GLMP: variants seen among roughly 807,000 people sequenced by gnomAD.
GLMP encodes the protein kidney lysosomal membrane protein.
A neutral mutation model predicts 39.2 loss-of-function variants in GLMP; 36 were observed. The ratio of observed to expected loss-of-function variants is 0.92; its 90% CI spans 0.70 to 1.21. GLMP has a LOEUF of 1.21. Ranked by LOEUF, GLMP falls within the 50% of genes most tolerant of loss-of-function variation. GLMP has a pLI of 0.00. For synonymous variants in GLMP, 220 were observed against 218.9 expected, an observed-to-expected ratio of 1.01 and a Z score of -0.04; for missense variants, 454 against 505.6, an observed-to-expected ratio of 0.90 and a Z score of 0.98.
chr1:156,294,236 C>T lies in GLMP; in HGVS notation c.580G>A (p.Val194Ile), dbSNP rs573841896. ...TFANGSLAFR[V>I]QAFSRSSRPA... ...CGGCTGGACCTGGAAAAGGCCTGGA[C>T]CTAGGAAGGAAGAAGCATGGGAGGT... Residue 194 changes from valine to isoleucine, a missense_variant and splice_region_variant, in exon 4 of 6, where the codon GTC (valine) becomes ATC (isoleucine). Coordinates refer to ENST00000362007, the MANE Select transcript of GLMP (RefSeq NM_144580.3). 1 of 1,613,432 alleles carries T rather than the reference C, an allele frequency of 6.2e-7. No individual in the cohort carries two copies. The highest frequency in any genetic ancestry group is 1.1e-5 in the South Asian group (1 of 91,052).
Position 156,294,377 on chromosome 1 carries a change from G to A in GLMP, c.567C>T (p.Ser189=), listed in dbSNP as rs915337700. The change falls in exon 3 of 6, where the codon AGC becomes AGT. Residue 189 remains serine, a synonymous_variant. Transcript: ENST00000362007. ...NDPTRTFANG[S]LAFRVQAFSR... Reference sequence around the variant, plus strand: ...TCTCACGCCTTACCCTGAAGGCCAGGCTGCCATTGGCAAAAGTCCTGGTAG... The same window carrying A: ...TCTCACGCCTTACCCTGAAGGCCAGACTGCCATTGGCAAAAGTCCTGGTAG... 1 of 1,614,178 alleles carries A rather than the reference G, an allele frequency of 6.2e-7. No individual in the cohort carries two copies. Among genetic ancestry groups the A allele is most frequent in the Non-Finnish European group, 8.5e-7 (1 of 1,180,020 alleles).
At position 156,293,316 on chromosome 1, in the gene GLMP, T is replaced by C. The variant is rs1235408643; in HGVS notation, c.1055+4A>G. 3 of 1,613,974 alleles carry C rather than the reference T, an allele frequency of 1.9e-6. No individual in the cohort carries two copies. Among genetic ancestry groups the C allele is most frequent in the African/African-American group, 2.7e-5 (2 of 74,922 alleles). On this transcript the variant is annotated splice_donor_region_variant and intron_variant, in intron 5 of 5. Coordinates refer to ENST00000362007, the MANE Select transcript of GLMP (RefSeq NM_144580.3). ...AAGTCCCCGGCCCAAACCCTGGCTC[T>C]CACCAGCTGAGGTAGTGTTGGTCCC...
Position 156,295,282 on chromosome 1 carries a change from A to G in GLMP, c.120+244T>C, listed in dbSNP as rs1376639067. The G allele has an allele frequency of 2.2e-6, 3 of 1,338,654 alleles. No individual in the cohort carries two copies. The East Asian group carries it at 8.6e-5, about 39-fold the overall frequency. 82.9% of individuals were successfully genotyped at this position (1,338,654 alleles called of 1,614,324 possible). ...AGGGCACAGGGCTGCGAAGAAGAAA[A>G]CATTCAACACTTGCCTGGACCTGGG... On this transcript the variant is annotated intron_variant, in intron 1 of 5. Transcript: ENST00000362007.
In GLMP at chr1:156,294,229, G is replaced by A; in HGVS notation, c.587C>T (p.Ala196Val). ...ANGSLAFRVQ[A>V]FSRSSRPAQP... ...GGCTGGTCGGCTGGACCTGGAAAAG[G>A]CCTGGACCTAGGAAGGAAGAAGCAT... Residue 196 changes from alanine (A) to valine (V), a missense_variant, in exon 4 of 6, where the codon GCC becomes GTC. Coordinates refer to ENST00000362007, the MANE Select transcript of GLMP (RefSeq NM_144580.3). 6.2e-7 allele frequency: 1 copy of A among 1,613,758 alleles called. No individual in the cohort carries two copies. The highest frequency in any genetic ancestry group is 8.5e-7 in the Non-Finnish European group (1 of 1,179,680).
chr1:156,292,871 T>C lies in GLMP; in HGVS notation c.*173A>G. On this transcript the variant is annotated 3_prime_UTR_variant, in exon 6 of 6. Coordinates refer to ENST00000362007, the MANE Select transcript of GLMP (RefSeq NM_144580.3). Reference sequence around the variant, plus strand: ...GCCTCCAAAGTCCCCCAACAAAGTATGAAGGAAGCCCCACCTGGGGGTCTC... The same window carrying C: ...GCCTCCAAAGTCCCCCAACAAAGTACGAAGGAAGCCCCACCTGGGGGTCTC... 1.3e-6 allele frequency: 1 copy of C among 799,478 alleles called. No individual in the cohort carries two copies. 49.5% of individuals were successfully genotyped at this position (799,478 alleles called of 1,614,324 possible).
intron 4 of GLMP, 58 bp downstream of exon 4, chr1:156,293,959 GT>G: frequency 1.3e-6 from 2 of 1,569,726 alleles, no homozygotes; most frequent in Non-Finnish European, 1.8e-6. Flanking sequence ...TGAGTTTTAG[GT>G]CCCAATGGTG....
Position 156,293,568 on chromosome 1 carries a change from C to T in GLMP, c.807G>A (p.Gln269=). 1 of 1,614,088 alleles carries T rather than the reference C, an allele frequency of 6.2e-7. No individual in the cohort carries two copies. The highest frequency in any genetic ancestry group is 1.1e-5 in the South Asian group (1 of 91,082). The change falls in exon 5 of 6, where the codon CAG becomes CAA. Residue 269 remains glutamine (Q), a synonymous_variant. Transcript: ENST00000362007. ...CTGATGGGAGGGAGCCCCACAGTAG[C>T]TGGTCCAACTGGGAAGAAAGGCAAA... ...EYAPAVFQLD[Q]LLWGSLPSGF... is the part of the protein sequence containing the mutation.
In GLMP at chr1:156,295,507, G is replaced by A. The variant is rs1663571556; in HGVS notation, c.120+19C>T. The A allele has an allele frequency of 1.3e-6, 2 of 1,483,676 alleles. No individual in the cohort carries two copies. Among genetic ancestry groups the A allele is most frequent in the Non-Finnish European group, 1.8e-6 (2 of 1,118,722 alleles). The allele number at this position is 1,483,676 out of a possible 1,614,324, so 91.9% of individuals were successfully genotyped here. On this transcript the variant is annotated intron_variant, in intron 1 of 5. Coordinates refer to ENST00000362007, the MANE Select transcript of GLMP (RefSeq NM_144580.3). ...AGCGTTTCCTGAAACTTCTATCGCT[G>A]TAGCCCCAGGGCCCTCACCTGGCGG...
chr1:156,295,125 A>AT, intron 1 of GLMP, 109 bp from the exon 2 acceptor site: 1 of 1,064,366 alleles, frequency 9.4e-7, no homozygotes, highest in Non-Finnish European at 1.3e-6. Flanking sequence ...AAAGGATGGG[A>AT]TTTTGGGGAC....
At position 156,294,082 on chromosome 1, in the gene GLMP, G is replaced by A. The variant is rs113930894; in HGVS notation, c.734C>T (p.Pro245Leu). 23 of 1,614,148 alleles carry A rather than the reference G, an allele frequency of 1.4e-5. No individual in the cohort carries two copies. The African/African-American group carries it at 1.5e-4, about 10-fold the overall frequency. The change falls in exon 4 of 6, where the codon CCT (proline) becomes CTT (leucine). Residue 245 changes from proline to leucine, a missense_variant. Pro to Leu is a moderately conservative substitution (Grantham distance 98). Transcript: ENST00000362007. ...CTGCTCCTGCATTGAGGGGCAGTCA[G>A]GGCCCTGGCCCAATGTGGCTACCTC... ...GLEVATLGQG[P>L]DCPSMQEQHS...
At chr1:156,293,863 G>T in intron 4 of GLMP, 155 bp downstream of exon 4, 2 of 1,194,108 alleles carry the variant, frequency 1.7e-6, no homozygotes, top group East Asian at 2.4e-5. Context: ...TCTCCACTGA[G>T]GGCAGAGACT....
Position 156,294,084 on chromosome 1 carries a change from G to A in GLMP, c.732C>T (p.Gly244=), listed in dbSNP as rs762289844. ...FGLEVATLGQ[G]PDCPSMQEQH... ...GCTCCTGCATTGAGGGGCAGTCAGG[G>A]CCCTGGCCCAATGTGGCTACCTCCA... The change falls in exon 4 of 6, where the codon GGC becomes GGT. Residue 244 remains glycine, a synonymous_variant. Transcript: ENST00000362007. 6.2e-7 allele frequency: 1 copy of A among 1,613,988 alleles called. No homozygotes were observed. The highest frequency in any genetic ancestry group is 8.5e-7 in the Non-Finnish European group (1 of 1,180,048).
intron 1 of GLMP, chr1:156,295,271 C>T (rs1320546149): frequency 3.0e-6 from 4 of 1,332,486 alleles, no homozygotes; most frequent in Non-Finnish European, 2.9e-6. Context: ...CACAGGGCTG[C>T]GAAGAAGAAA....
Position 156,292,851 on chromosome 1 carries a change from C to CA in GLMP, c.*192dup. The CA allele has an allele frequency of 3.0e-6, 2 of 669,266 alleles. No individual in the cohort carries two copies. Among genetic ancestry groups the CA allele is most frequent in the Non-Finnish European group, 4.9e-6 (2 of 408,182 alleles). The allele number at this position is 669,266 out of a possible 1,614,324, so 41.5% of individuals were successfully genotyped here. ...AATAGCCCTGTCCCCTGCCCGCCTC[C>CA]AAAGTCCCCCAACAAAGTATGAAGG... On this transcript the variant is annotated 3_prime_UTR_variant, in exon 6 of 6. Transcript: ENST00000362007.
chr1:156,294,915 G>A lies in GLMP; in HGVS notation c.222C>T (p.Ser74=). The A allele has an allele frequency of 6.2e-7, 1 of 1,613,022 alleles. No homozygotes were observed. The highest frequency in any genetic ancestry group is 8.5e-7 in the Non-Finnish European group (1 of 1,179,612). The change falls in exon 2 of 6, where the codon AGC becomes AGT. Residue 74 remains serine (S), a synonymous_variant. Transcript: ENST00000362007. ...TNSTLHYVWS[S]LGPLAVVMVA... is the part of the protein sequence containing the mutation. ...CCATTACCACTGCCAGAGGCCCCAG[G>A]CTGCTCCACACATAGTGCAGTGTGG...
intron 4 of GLMP, 134 bp from the exon 5 acceptor site, chr1:156,293,710 T>C: frequency 6.4e-7 from 1 of 1,553,058 alleles, no homozygotes; most frequent in African/African-American, 1.4e-5. Flanking sequence ...CAATCCCTCC[T>C]CTGTAAAAAT....
rs1242982449 is a variant in GLMP, at chr1:156,293,449, AAGGC to A, written c.922_925del (p.Ala308Ter). On this transcript the variant is annotated frameshift_variant, in exon 5 of 6. Transcript: ENST00000362007. LOFTEE classifies it high-confidence loss of function. ...GGGTGACTGGGGAAGAGAGTATGCT[AAGGC>A]AGGATGAAGAGGGGAAGCTTGGCAG... 5.0e-6 allele frequency: 8 copies of A among 1,614,080 alleles called. No individual in the cohort carries two copies. The highest frequency in any genetic ancestry group is 1.3e-5 in the African/African-American group (1 of 74,928).
In GLMP at chr1:156,294,413, G is replaced by A. The variant is rs1461734616; in HGVS notation, c.531C>T (p.Pro177=). The change falls in exon 3 of 6, where the codon CCC becomes CCT. Residue 177 remains proline, a synonymous_variant. Transcript: ENST00000362007. Reference sequence around the variant, plus strand: ...CAAAAGTCCTGGTAGGGTCGTTCATGGGGTGGCCTTGAAATGTGGCACTCA... The same window carrying A: ...CAAAAGTCCTGGTAGGGTCGTTCATAGGGTGGCCTTGAAATGTGGCACTCA... ...ATLSATFQGH[P]MNDPTRTFAN... is the part of the protein sequence containing the mutation. 6.2e-7 allele frequency: 1 copy of A among 1,614,194 alleles called. No homozygotes were observed. Among genetic ancestry groups the A allele is most frequent in the South Asian group, 1.1e-5 (1 of 91,086 alleles).
Position 156,293,071 on chromosome 1 carries a change from C to T in GLMP, c.1194G>A (p.Lys398=), listed in dbSNP as rs750378532. 2.5e-6 allele frequency: 4 copies of T among 1,614,128 alleles called. No homozygotes were observed. In the South Asian group the frequency reaches 3.3e-5, roughly 13 times the overall value. Residue 398 remains lysine, a synonymous_variant, in exon 6 of 6, where the codon AAG becomes AAA. Transcript: ENST00000362007. ...AATTTATGGACTGGTACTCTGAGTA[C>T]TTCTTGTGGTGCAGCAGCAGAACCA... ...GGLVLLLHHK[K]YSEYQSIN
Sources: allele counts gnomAD v4.1 joint callset, GRCh38; gene constraint gnomAD v4.1.1; transcripts MANE v1.5; gene names NCBI Gene and HGNC (gene_info 2026-07-23, HGNC 2026-07-21).